Variants in NRXN1 observed in about 807,000 individuals in gnomAD.
The protein encoded by NRXN1 is neurexin 1.
A neutral mutation model predicts 150.9 loss-of-function variants in NRXN1; 39 were observed. The observed-to-expected ratio is 0.26, with a 90% CI of 0.20 to 0.34. The LOEUF (loss-of-function observed/expected upper bound fraction) is 0.34, where lower values mean the gene tolerates loss of function less well. Ranked by LOEUF, NRXN1 falls within the 10% of genes least tolerant of loss-of-function variation. The probability of loss-of-function intolerance (pLI) is 1.00; values close to 1 mark genes in which losing one functional copy is unlikely to be tolerated. For synonymous variants in NRXN1, 924 were observed against 757.0 expected, an observed-to-expected ratio of 1.22 and a Z score of -3.62; for missense variants, 1,815 against 1,949.9, an observed-to-expected ratio of 0.93 and a Z score of 1.30.
At chr2:50,316,801 A>G (rs2075644028) in intron 17 of NRXN1, among the ~76,000 whole-genome samples, 1 of 151,986 alleles carries the variant, frequency 6.6e-6, no homozygotes, top group Admixed American at 6.6e-5. Context: ...GTGGTACTAA[A>G]ATTTAATAAA....
At chr2:49,975,622 GTTT>G (rs577754515) in intron 21 of NRXN1, among the ~76,000 whole-genome samples, 1 of 151,940 alleles carries the variant, frequency 6.6e-6, no homozygotes, top group Non-Finnish European at 1.5e-5. Flanking sequence ...GTTGTCATGT[GTTT>G]TTTTCTATTT....
At position 50,511,057 on chromosome 2, in the gene NRXN1, T is replaced by G. The variant is rs572394084; in HGVS notation, c.2375-4440A>C. Reference sequence around the variant, plus strand: ...TCTCTAGACTCTCAGTCTAACAAGCTTTTTTTTTTTTAATTATTATTAAGA... The same window carrying G: ...TCTCTAGACTCTCAGTCTAACAAGCGTTTTTTTTTTTAATTATTATTAAGA... On this transcript the variant is annotated intron_variant, in intron 12 of 22. Coordinates refer to ENST00000401669, the MANE Select transcript of NRXN1 (RefSeq NM_001330078.2). 3.8e-3 allele frequency among the ~76,000 whole-genome samples: 284 copies of G among 75,244 alleles called. 1 individual carries two copies. The highest frequency in any genetic ancestry group is 9.5e-3 in the African/African-American group (274 of 28,930). The allele number at this position is 75,244 out of a possible 152,430, so 49.4% of individuals were successfully genotyped here. A position where few individuals can be genotyped will look rare whatever the true frequency, so the allele number is the denominator to read the frequency against.
chr2:49,940,385 C>A (rs1453504263), intron 22 of NRXN1, among the ~76,000 whole-genome samples: 1 of 152,104 alleles, frequency 6.6e-6, no homozygotes, highest in Non-Finnish European at 1.5e-5. Context: ...ATAGCAGCAG[C>A]TAGAATTATC....
intron 5 of NRXN1, among the ~76,000 whole-genome samples, chr2:50,769,136 CT>C (rs1292921646): frequency 6.6e-6 from 1 of 152,038 alleles, no homozygotes; most frequent in Non-Finnish European, 1.5e-5. Flanking sequence ...GGGGATAAAG[CT>C]ATTATTTCTG....
intron 19 of NRXN1, among the ~76,000 whole-genome samples, chr2:50,055,867 C>T (rs1693519701): frequency 6.6e-6 from 1 of 152,138 alleles, no homozygotes; most frequent in African/African-American, 2.4e-5. Context: ...CGAATATAAG[C>T]CACAAACAGT....
chr2:50,514,785 C>A (rs1573349296), intron 12 of NRXN1, among the ~76,000 whole-genome samples: 1 of 152,200 alleles, frequency 6.6e-6, no homozygotes, highest in South Asian at 2.1e-4. Context: ...TAAACGTTTC[C>A]CATAAATTCT....
At chr2:50,184,103 A>G (rs964186329) in intron 18 of NRXN1, among the ~76,000 whole-genome samples, 15 of 152,100 alleles carry the variant, frequency 9.9e-5, no homozygotes, top group African/African-American at 3.4e-4. Flanking sequence ...ATTGTTTTCT[A>G]CAGATGCATT....
At chr2:50,999,661 C>T (rs1008759976) in intron 2 of NRXN1, among the ~76,000 whole-genome samples, 50 of 152,048 alleles carry the variant, frequency 3.3e-4, no homozygotes, top group African/African-American at 1.0e-3. Flanking sequence ...GGGTGAATTT[C>T]GACTGATAGG....
intron 17 of NRXN1, among the ~76,000 whole-genome samples, chr2:50,323,292 G>C (rs2076169328): frequency 6.6e-6 from 1 of 152,108 alleles, no homozygotes; most frequent in Admixed American, 6.5e-5. Context: ...GGTCTGGGTG[G>C]AACAAAATAA....
At chr2:50,671,302 A>C (rs1688808140) in intron 5 of NRXN1, among the ~76,000 whole-genome samples, 2 of 151,736 alleles carry the variant, frequency 1.3e-5, no homozygotes, top group African/African-American at 2.4e-5. Context: ...AGAAATTTAA[A>C]AAATTATTTT....
chr2:50,463,503 A>G (rs116238331), intron 17 of NRXN1, among the ~76,000 whole-genome samples: 1,826 of 151,940 alleles, frequency 0.012, 31 homozygotes, highest in African/African-American at 0.041. Context: ...TGCAAGAGGC[A>G]TATCAGGAGA....
intron 2 of NRXN1, among the ~76,000 whole-genome samples, chr2:50,978,276 A>ATTT (rs1307712463): frequency 7.8e-5 from 2 of 25,652 alleles, no homozygotes; most frequent in Non-Finnish European, 1.6e-4. Context: ...TTATACATAT[A>ATTT]TATATATATA....
intron 18 of NRXN1, among the ~76,000 whole-genome samples, chr2:50,232,489 C>T (rs1030500586): frequency 3.4e-5 from 5 of 146,416 alleles, no homozygotes; most frequent in East Asian, 4.1e-4. Context: ...TGGGTTCAAA[C>T]GATTCTCCTG....
chr2:49,957,074 C>T (rs1675106527), intron 21 of NRXN1, among the ~76,000 whole-genome samples: 1 of 152,064 alleles, frequency 6.6e-6, no homozygotes, highest in Non-Finnish European at 1.5e-5. Context: ...CAATGTGTAA[C>T]AAATGCAGGC....
At chr2:50,287,390 AG>A (rs1202669213) in intron 17 of NRXN1, among the ~76,000 whole-genome samples, 4 of 152,166 alleles carry the variant, frequency 2.6e-5, no homozygotes, top group Admixed American at 2.0e-4. Flanking sequence ...ACAAATGGAT[AG>A]GAGACTAAAA....
At chr2:50,016,881 G>C (rs1686719074) in intron 21 of NRXN1, among the ~76,000 whole-genome samples, 1 of 152,156 alleles carries the variant, frequency 6.6e-6, no homozygotes, top group Admixed American at 6.5e-5. Flanking sequence ...GAAGTGAGAA[G>C]CCTGGCACTT....
chr2:50,912,522 G>C (rs188306767), intron 5 of NRXN1, among the ~76,000 whole-genome samples: 1 of 151,942 alleles, frequency 6.6e-6, no homozygotes, highest in Admixed American at 6.6e-5. Context: ...TCTTACACAG[G>C]GAATTGATGA....
chr2:50,860,139 T>G (rs1675905118), intron 5 of NRXN1, among the ~76,000 whole-genome samples: 1 of 150,102 alleles, frequency 6.7e-6, no homozygotes, highest in Non-Finnish European at 1.5e-5. Flanking sequence ...AGATCATAAC[T>G]CTCAATCAAT....
intron 17 of NRXN1, among the ~76,000 whole-genome samples, chr2:50,353,010 T>A (rs1025791148): frequency 2.0e-5 from 3 of 152,026 alleles, no homozygotes; most frequent in East Asian, 3.9e-4. Flanking sequence ...ACCTCCCCAA[T>A]GATATAACAA....
Sources: gnomAD v4.1 joint callset for allele counts (sites outside exome capture counted in the v4.1 genomes callset) on GRCh38, gnomAD v4.1.1 for gene constraint, MANE v1.5 for transcripts, NCBI Gene and HGNC (gene_info 2026-07-23, HGNC 2026-07-21) for gene names.